PCDHGA3: variants seen among roughly 807,000 people sequenced by gnomAD.
PCDHGA3 encodes the protein protocadherin gamma-A3.
PCDHGA3 carries 40 observed loss-of-function variants against 58.5 expected under a neutral mutation model. The observed-to-expected ratio is 0.68, with a 90% CI of 0.53 to 0.89. The LOEUF is 0.89. Ranked by LOEUF, PCDHGA3 falls within the 40% of genes least tolerant of loss-of-function variation. The probability of loss-of-function intolerance (pLI) is 0.00; values close to 1 mark genes in which losing one functional copy is unlikely to be tolerated. For synonymous variants in PCDHGA3, 530 were observed against 525.7 expected (o/e 1.01, Z -0.11); for missense variants, 1,223 against 1,195.9 (o/e 1.02, Z -0.33).
chr5:141,495,103 C>T (rs1383918796), intron 2 of PCDHGA3, among the ~76,000 whole-genome samples: 2 of 152,132 alleles, frequency 1.3e-5, no homozygotes, highest in Non-Finnish European at 2.9e-5. Context: ...TCGCCACGAC[C>T]GGCACCTTTT....
chr5:141,374,215 C>T (rs770866531), intron 1 of PCDHGA3: 4 of 1,613,958 alleles, frequency 2.5e-6, no homozygotes, highest in South Asian at 1.1e-5. Flanking sequence ...AAGGCTCCTT[C>T]GTAGGCAACA....
intron 1 of PCDHGA3, chr5:141,351,110 A>C (rs1185497044): frequency 6.2e-7 from 1 of 1,613,972 alleles, no homozygotes; most frequent in African/African-American, 1.3e-5. Context: ...TTCCCCAATA[A>C]GTACCAGCCT....
rs1347978078 is a variant in PCDHGA3, at chr5:141,486,800, C to G, written c.2425-8007C>G. ...GGTGCAGGCCCGGGATCGGGGCAAC[C>G]CACCCCTTAGCAGCACTGTAACAGT... On this transcript the variant is annotated intron_variant, in intron 1 of 3. Coordinates refer to ENST00000253812, the MANE Select transcript of PCDHGA3 (RefSeq NM_018916.4). The surrounding 1 kb of genome is among the most constrained non-coding windows in gnomAD (Gnocchi z 5.0). 1.9e-6 allele frequency: 3 copies of G among 1,614,104 alleles called. No individual in the cohort carries two copies. In the Admixed American group the frequency reaches 5.0e-5, roughly 27 times the overall value.
rs779317191 is a variant in PCDHGA3, at chr5:141,432,553, C to G, written c.2425-62254C>G. The G allele has an allele frequency of 2.6e-5, 42 of 1,613,748 alleles. No individual in the cohort carries two copies. The highest frequency in any genetic ancestry group is 2.0e-4 in the South Asian group (18 of 91,068). The stretch of plus-strand genomic sequence containing the variant: ...AGGTGGTGGCGGTGGACAGAGACTC[C>G]GGCCAGAACGCCTGGCTGTCCTACC... On this transcript the variant is annotated intron_variant, in intron 1 of 3. Coordinates refer to ENST00000253812, the MANE Select transcript of PCDHGA3 (RefSeq NM_018916.4). The surrounding 1 kb of genome is among the most constrained non-coding windows in gnomAD (Gnocchi z 6.0).
chr5:141,350,605 C>G, intron 1 of PCDHGA3: 1 of 1,613,998 alleles, frequency 6.2e-7, no homozygotes, highest in South Asian at 1.1e-5. Context: ...ATGTTTTCCA[C>G]GTGGTTGTTG....
intron 1 of PCDHGA3, chr5:141,364,402 C>A: frequency 6.2e-7 from 1 of 1,607,318 alleles, no homozygotes; most frequent in Non-Finnish European, 8.5e-7. Flanking sequence ...GGACGCTGTG[C>A]GAGCCAGGAT....
chr5:141,490,149 T>C lies in PCDHGA3; in HGVS notation c.2425-4658T>C. The C allele has an allele frequency of 1.9e-6, 3 of 1,614,188 alleles. No individual in the cohort carries two copies. The highest frequency in any genetic ancestry group is 2.7e-5 in the African/African-American group (2 of 75,050). On this transcript the variant is annotated intron_variant, in intron 1 of 3. Coordinates refer to ENST00000253812, the MANE Select transcript of PCDHGA3 (RefSeq NM_018916.4). This position sits in a 1 kb window ranked among gnomAD's most constrained non-coding sequence, Gnocchi z 5.4. ...TAGACCCTAGCAGTGGGGCAATCCA[T>C]GTGTTGGGTCCCATAGACTTTGAGG... is the stretch of plus-strand genomic sequence containing the variant.
chr5:141,422,898 C>T (rs2096684110), intron 1 of PCDHGA3: 2 of 1,614,250 alleles, frequency 1.2e-6, no homozygotes, highest in Middle Eastern at 1.6e-4. Flanking sequence ...TGGACCAGAA[C>T]GACAATGCGC....
chr5:141,355,167 A>G lies in PCDHGA3; in HGVS notation c.2424+8710A>G, dbSNP rs755561054. On this transcript the variant is annotated intron_variant, in intron 1 of 3. Transcript: ENST00000253812. ...CTCCTCAGGCCTCGACAGAGGGAAA[A>G]CCGAAGCACAGGCGACTCCGCGGCG... The G allele has an allele frequency of 1.7e-5, 27 of 1,565,180 alleles. No individual in the cohort carries two copies. The Admixed American group carries it at 3.7e-4, about 22-fold the overall frequency.
chr5:141,398,787 A>T, intron 1 of PCDHGA3: 1 of 1,613,902 alleles, frequency 6.2e-7, no homozygotes, highest in African/African-American at 1.3e-5. Flanking sequence ...GTGGACATCC[A>T]CCCCTAAGCG....
chr5:141,431,506 G>T lies in PCDHGA3; in HGVS notation c.2425-63301G>T. 1.2e-6 allele frequency: 2 copies of T among 1,613,988 alleles called. No homozygotes were observed. Among genetic ancestry groups the T allele is most frequent in the South Asian group, 2.2e-5 (2 of 91,084 alleles). The stretch of plus-strand genomic sequence containing the variant: ...CGTTTGCTCAGCCCGAGTACCGCGC[G>T]AGCGTTCCGGAGAATCTGGCCTTGG... On this transcript the variant is annotated intron_variant, in intron 1 of 3. Coordinates refer to ENST00000253812, the MANE Select transcript of PCDHGA3 (RefSeq NM_018916.4). This position sits in a 1 kb window ranked among gnomAD's most constrained non-coding sequence, Gnocchi z 4.8.
At chr5:141,375,915 C>A in intron 1 of PCDHGA3, 2 of 1,613,746 alleles carry the variant, frequency 1.2e-6, no homozygotes, top group South Asian at 2.2e-5. Flanking sequence ...CTGCTCAAGG[C>A]CAGCGAGCCA....
Position 141,394,531 on chromosome 5 carries a change from C to T in PCDHGA3, c.2424+48074C>T, listed in dbSNP as rs1188248060. ...CCCGCCCTCCCCACAGACGGTTCCA[C>T]TGGCGTGGAGCTGGCGCCCCGCTCC... On this transcript the variant is annotated intron_variant, in intron 1 of 3. Transcript: ENST00000253812. 3 of 1,614,224 alleles carry T rather than the reference C, an allele frequency of 1.9e-6. No homozygotes were observed. In the South Asian group the frequency reaches 3.3e-5, roughly 18 times the overall value.
At chr5:141,355,176 C>T (rs1424920703) in intron 1 of PCDHGA3, 15 of 1,579,122 alleles carry the variant, frequency 9.5e-6, no homozygotes, top group African/African-American at 1.4e-5. Flanking sequence ...AACCGAAGCA[C>T]AGGCGACTCC....
intron 1 of PCDHGA3, among the ~76,000 whole-genome samples, chr5:141,482,981 A>T (rs1377809325): frequency 6.7e-6 from 1 of 150,250 alleles, no homozygotes; most frequent in Admixed American, 6.6e-5. Flanking sequence ...GCTACTTGAG[A>T]GGTCGAGGCA....
intron 1 of PCDHGA3, among the ~76,000 whole-genome samples, chr5:141,401,408 A>G (rs943963302): frequency 6.6e-6 from 1 of 152,200 alleles, no homozygotes; most frequent in Non-Finnish European, 1.5e-5. Flanking sequence ...TATGAGAGAG[A>G]AAGAGAGAGA....
intron 1 of PCDHGA3, chr5:141,402,829 T>C: frequency 7.5e-7 from 1 of 1,342,036 alleles, no homozygotes; most frequent in Non-Finnish European, 9.8e-7. Flanking sequence ...GCTCCCAGGC[T>C]GCAGCAAAAC....
intron 2 of PCDHGA3, among the ~76,000 whole-genome samples, chr5:141,502,719 C>G (rs1242423173): frequency 1.3e-5 from 2 of 152,190 alleles, no homozygotes; most frequent in Non-Finnish European, 2.9e-5. Flanking sequence ...TCAGTGATTA[C>G]AAAGCGGTGA....
chr5:141,446,800 G>C (rs1332771959), intron 1 of PCDHGA3, among the ~76,000 whole-genome samples: 1 of 152,150 alleles, frequency 6.6e-6, no homozygotes, highest in African/African-American at 2.4e-5. Flanking sequence ...TTCTTCCATT[G>C]TGATCATCTA....
Sources: gnomAD v4.1 joint callset for allele counts (sites outside exome capture counted in the v4.1 genomes callset) on GRCh38, gnomAD v4.1.1 for gene constraint, Gnocchi (gnomAD v3.1) non-coding constraint, MANE v1.5 for transcripts, NCBI Gene and HGNC (gene_info 2026-07-23, HGNC 2026-07-21) for gene names.